The following MYBL2 variants were observed in gnomAD, a reference collection of about 807,000 sequenced individuals.
The protein encoded by MYBL2 is MYB proto-oncogene like 2.
A neutral mutation model predicts 79.9 loss-of-function variants in MYBL2; 28 were observed. The observed-to-expected ratio is 0.35, with a 90% CI of 0.26 to 0.48. The LOEUF is 0.48. Among genes scored for constraint, MYBL2 ranks in the 20% least tolerant of loss-of-function variants. MYBL2 has a pLI of 0.99. For synonymous variants in MYBL2, 378 were observed against 361.2 expected (o/e 1.05, Z -0.53); for missense variants, 735 against 893.9 (o/e 0.82, Z 2.27).
intron 6 of MYBL2, among the ~76,000 whole-genome samples, chr20:43,697,872 G>A (rs1226246789): frequency 2.0e-5 from 3 of 148,548 alleles, no homozygotes; most frequent in Admixed American, 6.7e-5. Context: ...CCGAGATCGC[G>A]CCACTGCATT....
At chr20:43,668,884 G>A (rs1318525078) in intron 1 of MYBL2, among the ~76,000 whole-genome samples, 1 of 151,492 alleles carries the variant, frequency 6.6e-6, no homozygotes, top group Non-Finnish European at 1.5e-5. Flanking sequence ...TAATTATTTA[G>A]GAGACAGAGC....
chr20:43,677,170 T>C (rs1987032131), intron 2 of MYBL2, among the ~76,000 whole-genome samples: 1 of 152,208 alleles, frequency 6.6e-6, no homozygotes, highest in African/African-American at 2.4e-5. Flanking sequence ...GGACTATATT[T>C]GGCTCTTGTG....
At chr20:43,709,904 A>C in intron 9 of MYBL2, 59 bp from the exon 10 acceptor site, 1 of 1,374,284 alleles carries the variant, frequency 7.3e-7, no homozygotes. Flanking sequence ...CCAGGGCAGC[A>C]GAGTGCCTGG....
intron 2 of MYBL2, among the ~76,000 whole-genome samples, chr20:43,675,777 G>GTA (rs1480989414): frequency 1.3e-5 from 2 of 151,576 alleles, no homozygotes; most frequent in African/African-American, 4.9e-5. Context: ...GTGTGTGTGT[G>GTA]TGTGTGTGTT....
chr20:43,712,692 CTG>C (rs1377784697), intron 11 of MYBL2, among the ~76,000 whole-genome samples: 1 of 152,136 alleles, frequency 6.6e-6, no homozygotes. Flanking sequence ...GTTTGAGGGG[CTG>C]TGTCTGGTCC....
intron 1 of MYBL2, among the ~76,000 whole-genome samples, chr20:43,670,570 C>G (rs1479425693): frequency 1.3e-5 from 2 of 151,980 alleles, no homozygotes; most frequent in Non-Finnish European, 1.5e-5. Context: ...TTTCTTAAGC[C>G]CTTTTGGTGA....
intron 11 of MYBL2, among the ~76,000 whole-genome samples, chr20:43,712,436 G>A (rs566236590): frequency 9.9e-5 from 15 of 152,262 alleles, no homozygotes; most frequent in African/African-American, 3.6e-4. Flanking sequence ...GGTGGGGATG[G>A]TTGTGAGCCA....
chr20:43,688,036 T>C (rs184822509), intron 5 of MYBL2, among the ~76,000 whole-genome samples: 3,958 of 151,434 alleles, frequency 0.026, 67 homozygotes, highest in Non-Finnish European at 0.037. Flanking sequence ...AATTTTTTTT[T>C]CCCCTAAATA....
intron 2 of MYBL2, among the ~76,000 whole-genome samples, chr20:43,675,224 C>T (rs1986975732): frequency 6.6e-6 from 1 of 152,204 alleles, no homozygotes; most frequent in Non-Finnish European, 1.5e-5. Flanking sequence ...AAGCATTTCT[C>T]CCACCTCAGC....
chr20:43,695,603 G>T (rs1987519357), intron 6 of MYBL2, among the ~76,000 whole-genome samples: 1 of 152,030 alleles, frequency 6.6e-6, no homozygotes, highest in African/African-American at 2.4e-5. Flanking sequence ...TGTAATCCCA[G>T]CACTTTGTGA....
chr20:43,711,872 G>A (rs1434619744), intron 11 of MYBL2, among the ~76,000 whole-genome samples: 1 of 152,192 alleles, frequency 6.6e-6, no homozygotes, highest in Admixed American at 6.5e-5. Flanking sequence ...GGCTGGATGT[G>A]GTGGATGGAG....
At chr20:43,668,466 C>A (rs1018413313) in intron 1 of MYBL2, among the ~76,000 whole-genome samples, 7 of 152,114 alleles carry the variant, frequency 4.6e-5, no homozygotes, top group African/African-American at 1.7e-4. Flanking sequence ...TCCCAAAGTG[C>A]TGGGATTACA....
chr20:43,712,935 C>A (rs1600567539), intron 11 of MYBL2, 67 bp from the exon 12 acceptor site: 1 of 1,273,696 alleles, frequency 7.9e-7, no homozygotes, highest in East Asian at 2.5e-5. Flanking sequence ...TGGCCATGAC[C>A]ATCCAGGTGC....
intron 9 of MYBL2, among the ~76,000 whole-genome samples, chr20:43,709,592 A>G (rs765542967): frequency 1.9e-4 from 29 of 152,084 alleles, no homozygotes; most frequent in Non-Finnish European, 4.1e-4. Flanking sequence ...CTTCTCACAC[A>G]GGCTCTCCAG....
rs1306545586 is a variant in MYBL2 at position 43,683,397 on chromosome 20, ATGT to A, written c.279+512_279+514del. Among the ~76,000 whole-genome samples the A allele has an allele frequency of 2.8e-4, 43 of 152,074 alleles. 1 individual carries two copies. Among genetic ancestry groups the A allele is most frequent in the African/African-American group, 1.0e-3 (42 of 41,498 alleles). ...AGAGCAAGGCTCAGAGAGGTTGGGGATGTCCCCAACCTAGAAGAGGCAATAAGT... is the reference window on the plus strand; with the variant it reads ...AGAGCAAGGCTCAGAGAGGTTGGGGACCCCAACCTAGAAGAGGCAATAAGT... On this transcript the variant is annotated intron_variant, in intron 4 of 13. Transcript: ENST00000217026.
intron 10 of MYBL2, among the ~76,000 whole-genome samples, chr20:43,710,913 T>C (rs1257600959): frequency 6.6e-6 from 1 of 152,192 alleles, no homozygotes; most frequent in South Asian, 2.1e-4. Context: ...GCAAATCACA[T>C]GACCTTGGCA....
At chr20:43,671,948 G>C (rs113120548) in intron 1 of MYBL2, among the ~76,000 whole-genome samples, 1 of 151,388 alleles carries the variant, frequency 6.6e-6, no homozygotes, top group Non-Finnish European at 1.5e-5. Flanking sequence ...GGTGGCTCAC[G>C]CCTGTAATCC....
intron 2 of MYBL2, among the ~76,000 whole-genome samples, chr20:43,678,880 A>C (rs1390345828): frequency 2.7e-5 from 4 of 149,912 alleles, no homozygotes; most frequent in South Asian, 4.2e-4. Flanking sequence ...AAAAAGAAAA[A>C]AACATATAGA....
At chr20:43,712,955 G>T (rs1987943303) in intron 11 of MYBL2, 47 bp from the exon 12 acceptor site, 1 of 1,456,968 alleles carries the variant, frequency 6.9e-7, no homozygotes, top group Non-Finnish European at 9.5e-7. Flanking sequence ...CTGACCATGG[G>T]GAATCCAGAC....
Sources: allele counts gnomAD v4.1 joint callset (sites outside exome capture counted in the v4.1 genomes callset), GRCh38; gene constraint gnomAD v4.1.1; transcripts MANE v1.5; gene names NCBI Gene and HGNC (gene_info 2026-07-23, HGNC 2026-07-21).